The following SAMMSON variants were observed in gnomAD, a reference collection of about 807,000 sequenced individuals.
SAMMSON encodes the protein survival associated mitochondrial melanoma specific oncogenic non-coding RNA, also known as long intergenic non-protein coding RNA 1212.
chr3:70,138,300 G>A (rs1289740048), intron 4 of SAMMSON, among the ~76,000 whole-genome samples: 1 of 152,198 alleles, frequency 6.6e-6, no homozygotes, highest in Non-Finnish European at 1.5e-5. Flanking sequence ...TCATAAAACT[G>A]GATAATGTAT....
intron 3 of SAMMSON, among the ~76,000 whole-genome samples, chr3:70,062,729 G>A (rs1009268470): frequency 1.1e-4 from 16 of 152,064 alleles, no homozygotes; most frequent in African/African-American, 3.4e-4. Flanking sequence ...GTCCCAAAAC[G>A]TTCAGGCCTG....
chr3:70,311,480 T>G (rs1451526652), intron 7 of SAMMSON, among the ~76,000 whole-genome samples: 1 of 152,204 alleles, frequency 6.6e-6, no homozygotes, highest in Non-Finnish European at 1.5e-5. Context: ...TGATTCTATT[T>G]GTAGACATAT....
At chr3:70,225,362 G>A (rs544942177) in intron 4 of SAMMSON, among the ~76,000 whole-genome samples, 62 of 152,232 alleles carry the variant, frequency 4.1e-4, no homozygotes, top group Middle Eastern at 3.4e-3. Context: ...GAGTTCTGCC[G>A]TTCAAGTCGC....
chr3:70,165,012 T>G (rs975559015), intron 4 of SAMMSON, among the ~76,000 whole-genome samples: 2 of 152,024 alleles, frequency 1.3e-5, no homozygotes, highest in Admixed American at 1.3e-4. Context: ...TACAGATAGA[T>G]TTTTAAGACA....
chr3:70,016,663 T>C (rs2066987240), intron 3 of SAMMSON, among the ~76,000 whole-genome samples: 1 of 152,220 alleles, frequency 6.6e-6, no homozygotes. Flanking sequence ...TCCTTGCCCA[T>C]GCCTGTGTCC....
At chr3:70,335,700 C>A (rs114414032) in intron 7 of SAMMSON, among the ~76,000 whole-genome samples, 1 of 151,790 alleles carries the variant, frequency 6.6e-6, no homozygotes, top group Non-Finnish European at 1.5e-5. Flanking sequence ...ATCATGCTTG[C>A]GAAGTATTGA....
At chr3:70,071,265 CA>C (rs1257395762) in intron 3 of SAMMSON, among the ~76,000 whole-genome samples, 3 of 151,814 alleles carry the variant, frequency 2.0e-5, no homozygotes, top group African/African-American at 7.2e-5. Flanking sequence ...CCTTTCTTTA[CA>C]AAATCTTCAG....
At chr3:70,046,538 T>C (rs1231612978) in intron 3 of SAMMSON, among the ~76,000 whole-genome samples, 1 of 152,164 alleles carries the variant, frequency 6.6e-6, no homozygotes. Flanking sequence ...TTTTTAGGCA[T>C]ACAAATTAAT....
At chr3:70,093,733 G>C (rs73105931) in intron 4 of SAMMSON, among the ~76,000 whole-genome samples, 11,178 of 152,150 alleles carry the variant, frequency 0.073, 559 homozygotes, top group Non-Finnish European at 0.11. Context: ...GGAGTGGGCA[G>C]ATCTCTTTGG....
At chr3:70,017,170 C>T (rs1576097418) in intron 3 of SAMMSON, among the ~76,000 whole-genome samples, 1 of 152,092 alleles carries the variant, frequency 6.6e-6, no homozygotes, top group South Asian at 2.1e-4. Flanking sequence ...CTCTAAATTA[C>T]CTTGGGCAGT....
chr3:70,058,294 A>G (rs1341104972), intron 3 of SAMMSON, among the ~76,000 whole-genome samples: 1 of 152,124 alleles, frequency 6.6e-6, no homozygotes, highest in East Asian at 2.0e-4. Flanking sequence ...CCTCCTTAGC[A>G]TAAAGCTGCA....
At chr3:70,405,743 G>A (rs994769558) in intron 2 of SAMMSON, among the ~76,000 whole-genome samples, 11 of 152,260 alleles carry the variant, frequency 7.2e-5, no homozygotes, top group Non-Finnish European at 1.5e-4. Flanking sequence ...GCTGGACTCC[G>A]GAAGGAGAGG....
chr3:70,411,639 G>C (rs1019516322), intron 2 of SAMMSON, among the ~76,000 whole-genome samples: 1 of 152,142 alleles, frequency 6.6e-6, no homozygotes, highest in African/African-American at 2.4e-5. Flanking sequence ...GAATCATGGG[G>C]GCAGGTTTTC....
rs142673703 is a variant in SAMMSON, at chr3:70,245,265, C to A, written n.508-3842C>A. On this transcript the variant is annotated intron_variant and non_coding_transcript_variant, in intron 4 of 9. Transcript: ENST00000642114. ...AAAGAAGATGAGAATTAGAAAAAAA[C>A]CAAATGAAATTTTGGTGATATAAAA... Among the ~76,000 whole-genome samples, 65 of 151,992 alleles carry A rather than the reference C, an allele frequency of 4.3e-4. No individual in the cohort carries two copies. The East Asian group carries it at 9.7e-3, about 23-fold the overall frequency.
intron 4 of SAMMSON, among the ~76,000 whole-genome samples, chr3:70,200,252 A>G (rs1189143590): frequency 6.6e-6 from 1 of 152,182 alleles, no homozygotes; most frequent in Non-Finnish European, 1.5e-5. Context: ...CTTCAAATTC[A>G]TCAGCTCCTT....
chr3:70,185,033 A>G (rs1433180976), intron 4 of SAMMSON, among the ~76,000 whole-genome samples: 1 of 152,210 alleles, frequency 6.6e-6, no homozygotes, highest in Non-Finnish European at 1.5e-5. Flanking sequence ...CTCCATCAGT[A>G]GCTTGCAGAG....
At chr3:70,045,665 G>A (rs2067124128) in intron 3 of SAMMSON, among the ~76,000 whole-genome samples, 2 of 151,988 alleles carry the variant, frequency 1.3e-5, no homozygotes, top group South Asian at 4.2e-4. Flanking sequence ...AGCGACTAGT[G>A]AATATTTAGA....
At chr3:70,253,227 G>T (rs530881543) in intron 6 of SAMMSON, among the ~76,000 whole-genome samples, 21 of 152,324 alleles carry the variant, frequency 1.4e-4, no homozygotes, top group African/African-American at 4.8e-4. Flanking sequence ...CTGAGAAGGT[G>T]CCTTTTAGTG....
intron 4 of SAMMSON, among the ~76,000 whole-genome samples, chr3:70,212,169 A>G (rs1576157157): frequency 6.6e-6 from 1 of 152,084 alleles, no homozygotes; most frequent in South Asian, 2.1e-4. Context: ...CATAAACTAC[A>G]CTCCTGGCAC....
Sources: gnomAD v4.1 joint callset for allele counts (sites outside exome capture counted in the v4.1 genomes callset) on GRCh38, gnomAD v4.1.1 for gene constraint, MANE v1.5 for transcripts, NCBI Gene and HGNC (gene_info 2026-07-23, HGNC 2026-07-21) for gene names.